Variants in ZNF469 observed in about 807,000 individuals in gnomAD.
ZNF469 encodes the protein zinc finger protein 469.
In ZNF469, 1 loss-of-function variant was observed where a neutral mutation model predicts 1.0. The ratio of observed to expected loss-of-function variants is 1.00; its 90% CI spans 0.35 to 4.73. The LOEUF (loss-of-function observed/expected upper bound fraction) is 4.73. Ranked by LOEUF, ZNF469 falls within the 30% of genes most tolerant of loss-of-function variation. The pLI is 0.16. For synonymous variants in ZNF469, 2,703 were observed against 2,363.4 expected (o/e 1.14, Z -4.17); for missense variants, 6,100 against 5,356.3 (o/e 1.14, Z -4.33).
rs1395891407 is a variant in ZNF469 at position 88,429,737 on chromosome 16, T to C, written c.2267T>C (p.Leu756Pro). 4 of 1,544,856 alleles carry C rather than the reference T, an allele frequency of 2.6e-6. No individual in the cohort carries two copies. The highest frequency in any genetic ancestry group is 2.6e-6 in the Non-Finnish European group (3 of 1,144,614). Residue 756 changes from leucine to proline, a missense_variant, in exon 3 of 3, where the codon CTC becomes CCC. Leu to Pro is a moderately conservative substitution (Grantham distance 98, BLOSUM62 -3). Transcript: ENST00000565624. ...GCCCACCGGCAGTTCTGTGGCCTGC[T>C]CCTGGCCAGGGCCAAGGATGGCCAC... ...FLAHRQFCGLLLARAKDGHQR... is the reference protein window; with the variant it reads ...FLAHRQFCGLPLARAKDGHQR...
the ZNF469 span, among the ~76,000 whole-genome samples, chr16:88,174,683 C>A: frequency 2.0e-5 from 3 of 148,966 alleles, no homozygotes; most frequent in African/African-American, 5.0e-5. Context: ...ATGACCTTTA[C>A]AATGATCTAC....
the ZNF469 span, among the ~76,000 whole-genome samples, chr16:88,233,193 G>A: frequency 6.6e-6 from 1 of 152,212 alleles, no homozygotes; most frequent in African/African-American, 2.4e-5. Flanking sequence ...GAGGCTGTGG[G>A]CACCGCGGCA....
chr16:88,357,071 G>A, the ZNF469 span, among the ~76,000 whole-genome samples: 2 of 152,230 alleles, frequency 1.3e-5, no homozygotes, highest in South Asian at 4.1e-4. Flanking sequence ...GCCCTTGGTG[G>A]TCCCCAGTTG....
At chr16:88,164,004 T>C in the ZNF469 span, among the ~76,000 whole-genome samples, 2 of 139,176 alleles carry the variant, frequency 1.4e-5, no homozygotes, top group Non-Finnish European at 3.1e-5. Context: ...TGGGTAGATA[T>C]ATGGATGGGT....
At position 88,431,514 on chromosome 16, in the gene ZNF469, G is replaced by T. The variant is rs1157829181; in HGVS notation, c.4044G>T (p.Lys1348Asn). Residue 1348 changes from lysine (K) to asparagine (N), a missense_variant, in exon 3 of 3, where the codon AAG becomes AAT. Lys to Asn is a moderately conservative substitution (Grantham distance 94, BLOSUM62 0). Transcript: ENST00000565624. Reference protein sequence around the residue: ...ACPKPSVLSSKISSFGCDPAG... With the variant: ...ACPKPSVLSSNISSFGCDPAG... ...CCAAACCCAGTGTTCTGTCTTCAAAGATCTCCAGTTTTGGCTGTGACCCTG... is the reference window on the plus strand; with the variant it reads ...CCAAACCCAGTGTTCTGTCTTCAAATATCTCCAGTTTTGGCTGTGACCCTG... 6.4e-7 allele frequency: 1 copy of T among 1,550,444 alleles called. No individual in the cohort carries two copies. The highest frequency in any genetic ancestry group is 2.0e-5 in the Admixed American group (1 of 51,012).
the ZNF469 span, among the ~76,000 whole-genome samples, chr16:88,239,153 G>T: frequency 6.6e-6 from 1 of 152,156 alleles, no homozygotes; most frequent in African/African-American, 2.4e-5. Flanking sequence ...GTGCGGGTGA[G>T]GGAGGTGGGG....
chr16:88,259,823 C>G, the ZNF469 span, among the ~76,000 whole-genome samples: 14 of 152,224 alleles, frequency 9.2e-5, no homozygotes, highest in African/African-American at 3.4e-4. The surrounding 1 kb of genome is among the most constrained non-coding windows in gnomAD (Gnocchi z 4.1). Context: ...GGGCTGCAGG[C>G]TCCGCCGAAG....
intron 1 of ZNF469, among the ~76,000 whole-genome samples, chr16:88,387,309 C>T (rs1263884511): frequency 6.6e-6 from 1 of 152,226 alleles, no homozygotes; most frequent in Non-Finnish European, 1.5e-5. Flanking sequence ...TGTGAGTCCA[C>T]GTCACTCCCG....
chr16:88,351,310 C>T, the ZNF469 span, among the ~76,000 whole-genome samples: 2 of 152,180 alleles, frequency 1.3e-5, no homozygotes, highest in Admixed American at 6.5e-5. Context: ...ACAATGAGGA[C>T]GTTAAATGCT....
At chr16:88,419,337 C>T (rs771536110) in intron 1 of ZNF469, among the ~76,000 whole-genome samples, 8 of 152,132 alleles carry the variant, frequency 5.3e-5, no homozygotes, top group Non-Finnish European at 1.0e-4. Context: ...CGAGCTGGTC[C>T]GAGGACGGGC....
chr16:88,107,062 G>C, the ZNF469 span, among the ~76,000 whole-genome samples: 3 of 152,308 alleles, frequency 2.0e-5, no homozygotes, highest in South Asian at 6.2e-4. Context: ...GCAGGCGGGC[G>C]GGGGTCTGCG....
the ZNF469 span, among the ~76,000 whole-genome samples, chr16:88,353,524 C>T: frequency 3.3e-5 from 5 of 152,360 alleles, no homozygotes; most frequent in African/African-American, 4.8e-5. Flanking sequence ...ACAACGCCCT[C>T]CGCCAGCCTC....
the ZNF469 span, among the ~76,000 whole-genome samples, chr16:88,189,833 C>T: frequency 3.8e-3 from 583 of 152,286 alleles, 3 homozygotes; most frequent in African/African-American, 0.013. The surrounding 1 kb of genome is among the most constrained non-coding windows in gnomAD (Gnocchi z 4.3). Flanking sequence ...GCAGGAGAAT[C>T]GCTTGAACCC....
chr16:88,334,400 G>C, the ZNF469 span, among the ~76,000 whole-genome samples: 3 of 152,178 alleles, frequency 2.0e-5, no homozygotes, highest in Non-Finnish European at 4.4e-5. Flanking sequence ...GCCTTACGCT[G>C]ACCAGTTGAG....
the ZNF469 span, among the ~76,000 whole-genome samples, chr16:88,200,417 A>T: frequency 6.6e-5 from 10 of 152,248 alleles, no homozygotes; most frequent in African/African-American, 2.4e-4. Flanking sequence ...GGGACCGAGG[A>T]ACCGCAGAAG....
At chr16:88,297,959 G>T in the ZNF469 span, among the ~76,000 whole-genome samples, 1 of 152,202 alleles carries the variant, frequency 6.6e-6, no homozygotes, top group African/African-American at 2.4e-5. Context: ...CCCAGCTTGA[G>T]GAAGGAGGTT....
chr16:88,353,413 C>T, the ZNF469 span, among the ~76,000 whole-genome samples: 4,084 of 152,250 alleles, frequency 0.027, 183 homozygotes, highest in African/African-American at 0.093. Flanking sequence ...CGCCCACCTC[C>T]GCTTGGGGCT....
the ZNF469 span, among the ~76,000 whole-genome samples, chr16:88,231,232 G>T: frequency 2.0e-5 from 3 of 152,156 alleles, no homozygotes; most frequent in East Asian, 1.9e-4. The surrounding 1 kb of genome is among the most constrained non-coding windows in gnomAD (Gnocchi z 4.5). Flanking sequence ...GGACCACATC[G>T]GTCAGAGCCC....
chr16:88,321,420 A>C, the ZNF469 span, among the ~76,000 whole-genome samples: 1 of 152,098 alleles, frequency 6.6e-6, no homozygotes, highest in Non-Finnish European at 1.5e-5. Flanking sequence ...ATCTGCTCAT[A>C]AGGCCTCACC....
Sources: gnomAD v4.1 joint callset for allele counts (sites outside exome capture counted in the v4.1 genomes callset) on GRCh38, gnomAD v4.1.1 for gene constraint, Gnocchi (gnomAD v3.1) non-coding constraint, MANE v1.5 for transcripts, NCBI Gene and HGNC (gene_info 2026-07-23, HGNC 2026-07-21) for gene names.